Variants in CST1 observed in about 807,000 individuals in gnomAD.
CST1 encodes the protein cystatin-SN.
In CST1, 19 loss-of-function variants were observed where a neutral mutation model predicts 10.7. That is an observed-to-expected ratio of 1.78 (90% CI 1.24 to 2.61). The LOEUF (loss-of-function observed/expected upper bound fraction) is 2.61, where lower values mean the gene tolerates loss of function less well. CST1 is among the 30% of genes most tolerant of loss of function. CST1 has a pLI of 0.00. For missense variants in CST1, 247 were observed against 178.1 expected (o/e 1.39, Z -2.20); for synonymous variants, 95 against 72.8 (o/e 1.31, Z -1.55).
chr20:23,747,924 A>T (rs181188860), intron 2 of CST1, 25 bp from the exon 3 acceptor site: 62 of 1,599,448 alleles, frequency 3.9e-5, no homozygotes, highest in Admixed American at 2.3e-4. Flanking sequence ...AGAGAGGGCC[A>T]ATCAGTGTGG....
intron 2 of CST1, among the ~76,000 whole-genome samples, chr20:23,748,130 T>C (rs1380520928): frequency 6.6e-6 from 1 of 152,082 alleles, no homozygotes; most frequent in Non-Finnish European, 1.5e-5. Context: ...CAGCCTGCAG[T>C]GTCCTGTCCC....
chr20:23,749,206 G>A, intron 1 of CST1, 77 bp from the exon 2 acceptor site: 3 of 1,181,466 alleles, frequency 2.5e-6, no homozygotes, highest in Non-Finnish European at 3.8e-6. Context: ...CTGAGTCACT[G>A]GACTTGCTTG....
chr20:23,750,264 T>C (rs1173127861), intron 1 of CST1, among the ~76,000 whole-genome samples: 2 of 152,060 alleles, frequency 1.3e-5, no homozygotes, highest in Non-Finnish European at 2.9e-5. Flanking sequence ...TGCAGAACAG[T>C]GAGCCAGGTT....
chr20:23,748,106 T>C (rs1057449934), intron 2 of CST1, among the ~76,000 whole-genome samples: 9 of 152,068 alleles, frequency 5.9e-5, no homozygotes, highest in African/African-American at 1.2e-4. Context: ...CCAGGTGGCA[T>C]TGGGACCCCA....
chr20:23,750,609 C>G, intron 1 of CST1, 30 bp downstream of exon 1: 1 of 1,608,642 alleles, frequency 6.2e-7, no homozygotes. Context: ...GGCTGGGACC[C>G]AGGACCCCTG....
At position 23,750,845 on chromosome 20, in the gene CST1, G is replaced by C; in HGVS notation, c.22C>G (p.Leu8Val). 6.2e-7 allele frequency: 1 copy of C among 1,612,960 alleles called. No individual in the cohort carries two copies. Among genetic ancestry groups the C allele is most frequent in the East Asian group, 2.2e-5 (1 of 44,834 alleles). Residue 8 changes from leucine (L) to valine (V), a missense_variant, in exon 1 of 3, where the codon CTG becomes GTG. Physicochemically the swap from Leu to Val is conservative, Grantham distance 32 (BLOSUM62 1). Coordinates refer to ENST00000304749, the MANE Select transcript of CST1 (RefSeq NM_001898.3). Reference protein sequence around the residue: MAQYLSTLLLLLATLAVA... With the variant: MAQYLSTVLLLLATLAVA... Reference sequence around the variant, plus strand: ...GCTAGGGTGGCCAGCAGGAGCAGCAGGGTACTCAGATACTGGGCCATGGTC... The same window carrying C: ...GCTAGGGTGGCCAGCAGGAGCAGCACGGTACTCAGATACTGGGCCATGGTC...
intron 2 of CST1, among the ~76,000 whole-genome samples, chr20:23,748,157 G>A (rs1982720595): frequency 6.6e-6 from 1 of 152,258 alleles, no homozygotes; most frequent in East Asian, 1.9e-4. Context: ...GCCCTGTGAG[G>A]AGTAGCCTGG....
At position 23,750,915 on chromosome 20, in the gene CST1, T is replaced by A; in HGVS notation, c.-49A>T. 6.6e-7 allele frequency: 1 copy of A among 1,504,592 alleles called. No individual in the cohort carries two copies. The allele number at this position is 1,504,592 out of a possible 1,614,324, so 93.2% of individuals were successfully genotyped here. ...AAGCTGGAGCTGCAGGAGAGGAGGGTGAGAGCCCGAGGCAGGGAGCCCAGA... is the reference window on the plus strand; with the variant it reads ...AAGCTGGAGCTGCAGGAGAGGAGGGAGAGAGCCCGAGGCAGGGAGCCCAGA... On this transcript the variant is annotated 5_prime_UTR_variant, in exon 1 of 3. Coordinates refer to ENST00000304749, the MANE Select transcript of CST1 (RefSeq NM_001898.3).
chr20:23,750,743 C>G lies in CST1; in HGVS notation c.124G>C (p.Glu42Gln). ...GGIYNADLND[E>Q]WVQRALHFAI... ...AAGTGAAGGGCACGCTGTACCCACTCATCATTGAGGTCTGCGTTATAGATG... is the reference window on the plus strand; with the variant it reads ...AAGTGAAGGGCACGCTGTACCCACTGATCATTGAGGTCTGCGTTATAGATG... Residue 42 changes from glutamate (E) to glutamine (Q), a missense_variant, in exon 1 of 3, where the codon GAG becomes CAG. By Grantham distance (29) the Glu-to-Gln change is conservative. Transcript: ENST00000304749. 1 of 1,614,020 alleles carries G rather than the reference C, an allele frequency of 6.2e-7. No homozygotes were observed. The highest frequency in any genetic ancestry group is 2.2e-5 in the East Asian group (1 of 44,860).
chr20:23,748,389 A>G (rs1982729867), intron 2 of CST1, among the ~76,000 whole-genome samples: 3 of 152,152 alleles, frequency 2.0e-5, no homozygotes, highest in Admixed American at 6.5e-5. Context: ...AGGTCCTTGG[A>G]GAGGCTGGTG....
In CST1 at chr20:23,749,000, T is replaced by G. The variant is rs7354713; in HGVS notation, c.342+16A>C. ...TGCAGTGCATGACTGGCCCGGGACC[T>G]GCATCAGGAACGTACCTTCTGCAGT... On this transcript the variant is annotated intron_variant, in intron 2 of 2. Transcript: ENST00000304749. The G allele has an allele frequency of 6.2e-7, 1 of 1,612,466 alleles. No individual in the cohort carries two copies. The highest frequency in any genetic ancestry group is 2.2e-5 in the East Asian group (1 of 44,854).
intron 2 of CST1, 33 bp downstream of exon 2, chr20:23,748,983 A>T (rs376987841): frequency 1.2e-6 from 2 of 1,613,870 alleles, no homozygotes; most frequent in South Asian, 2.2e-5. Flanking sequence ...TCTGCAGTGC[A>T]TGACTGGCCC....
rs563713823 is a variant in CST1 at position 23,750,614 on chromosome 20, C to T, written c.228+25G>A. ...GAACAAACCAGGCTGGGACCCAGGA[C>T]CCCTGGGGTGGAGGGAGCACCTACC... On this transcript the variant is annotated intron_variant, in intron 1 of 2. Transcript: ENST00000304749. 8.1e-6 allele frequency: 13 copies of T among 1,604,574 alleles called. No individual in the cohort carries two copies. The Admixed American group carries it at 1.7e-4, about 21-fold the overall frequency.
chr20:23,748,904 C>A lies in CST1; in HGVS notation c.342+112G>T. 2 of 815,104 alleles carry A rather than the reference C, an allele frequency of 2.5e-6. 1 individual carries two copies. The highest frequency in any genetic ancestry group is 3.9e-6 in the Non-Finnish European group (2 of 516,002). The allele number at this position is 815,104 out of a possible 1,614,324, so 50.5% of individuals were successfully genotyped here. On this transcript the variant is annotated intron_variant, in intron 2 of 2. Transcript: ENST00000304749. ...TACACATCCATGCATACACGGCTCC[C>A]CACATACCCACCTGCACACACACAC...
intron 2 of CST1, 89 bp downstream of exon 2, chr20:23,748,927 C>G: frequency 7.4e-7 from 1 of 1,342,986 alleles, no homozygotes; most frequent in Non-Finnish European, 1.1e-6. Context: ...TGCACACACA[C>G]ACCCTCCAAA....
At chr20:23,748,256 C>T (rs1982724745) in intron 2 of CST1, among the ~76,000 whole-genome samples, 1 of 152,086 alleles carries the variant, frequency 6.6e-6, no homozygotes. Flanking sequence ...CAGGCCAGCA[C>T]TAAGAGGGGC....
At position 23,749,139 on chromosome 20, in the gene CST1, G is replaced by A; in HGVS notation, c.229-10C>T. On this transcript the variant is annotated splice_polypyrimidine_tract_variant and intron_variant, in intron 1 of 2. Coordinates refer to ENST00000304749, the MANE Select transcript of CST1 (RefSeq NM_001898.3). ...TCACCCCCCCAACGGTCTGCACACA[G>A]GAGAAAACAGGACAGCGCCCCCATC... is the stretch of plus-strand genomic sequence containing the variant. 1.2e-6 allele frequency: 2 copies of A among 1,613,966 alleles called. No homozygotes were observed. Among genetic ancestry groups the A allele is most frequent in the African/African-American group, 1.3e-5 (1 of 75,026 alleles).
In CST1 at chr20:23,749,302, C is replaced by T. The variant is rs531311199; in HGVS notation, c.229-173G>A. ...CTGGCAGGGTGCTGAGCCTCATACC[C>T]GCTCTTAAACATTGCTTTCTCTGTG... is the stretch of plus-strand genomic sequence containing the variant. On this transcript the variant is annotated intron_variant, in intron 1 of 2. Transcript: ENST00000304749. 2.2e-4 allele frequency among the ~76,000 whole-genome samples: 33 copies of T among 152,278 alleles called. No homozygotes were observed. In the South Asian group the frequency reaches 3.7e-3, roughly 17 times the overall value.
At chr20:23,749,160 C>T (rs1982761054) in intron 1 of CST1, 31 bp from the exon 2 acceptor site, 1 of 1,611,932 alleles carries the variant, frequency 6.2e-7, no homozygotes, top group Non-Finnish European at 8.5e-7. Context: ...GACAGCGCCC[C>T]CATCAGTTCA....
Sources: allele counts gnomAD v4.1 joint callset (sites outside exome capture counted in the v4.1 genomes callset), GRCh38; gene constraint gnomAD v4.1.1; transcripts MANE v1.5; gene names NCBI Gene and HGNC (gene_info 2026-07-23, HGNC 2026-07-21).